SYNPR: variants seen among roughly 807,000 people sequenced by gnomAD.
The protein encoded by SYNPR is synaptoporin.
Under a neutral mutation model 32.9 loss-of-function variants are expected in SYNPR, and 23 were observed. That is an observed-to-expected ratio of 0.70 (90% confidence interval 0.50 to 0.99). The LOEUF is 0.99. Among genes scored for constraint, SYNPR ranks in the 50% least tolerant of loss-of-function variants. The probability of loss-of-function intolerance (pLI) is 0.00; values close to 1 mark genes in which losing one functional copy is unlikely to be tolerated. For missense variants in SYNPR, 318 were observed against 349.3 expected, an observed-to-expected ratio of 0.91 and a Z score of 0.71; for synonymous variants, 146 against 135.9, an observed-to-expected ratio of 1.07 and a Z score of -0.52.
intron 4 of SYNPR, among the ~76,000 whole-genome samples, chr3:63,562,645 G>T (rs62250771): frequency 6.6e-6 from 1 of 152,080 alleles, no homozygotes; most frequent in South Asian, 2.1e-4. Context: ...TGGGAGAGAC[G>T]TAGTGCAATG....
At chr3:63,381,443 A>G (rs974284461) in intron 2 of SYNPR, among the ~76,000 whole-genome samples, 1 of 152,252 alleles carries the variant, frequency 6.6e-6, no homozygotes, top group Non-Finnish European at 1.5e-5. Context: ...GCTCATGGGT[A>G]GGAAGAATCA....
At chr3:63,356,315 C>A (rs2087576831) in intron 2 of SYNPR, among the ~76,000 whole-genome samples, 1 of 152,238 alleles carries the variant, frequency 6.6e-6, no homozygotes. Flanking sequence ...TTAACCACCA[C>A]AGTCTACTTG....
intron 2 of SYNPR, among the ~76,000 whole-genome samples, chr3:63,366,040 C>T (rs1211006337): frequency 2.0e-5 from 3 of 152,306 alleles, no homozygotes; most frequent in East Asian, 3.9e-4. Context: ...CTGTGCAATT[C>T]ATAAATATTT....
chr3:63,446,421 G>A (rs752859178), intron 2 of SYNPR, among the ~76,000 whole-genome samples: 17 of 152,004 alleles, frequency 1.1e-4, no homozygotes, highest in Non-Finnish European at 1.6e-4. Context: ...GCTGAGAAGC[G>A]TGACAAAGAC....
intron 2 of SYNPR, among the ~76,000 whole-genome samples, chr3:63,305,652 G>A (rs546256594): frequency 1.3e-5 from 2 of 151,958 alleles, no homozygotes; most frequent in East Asian, 3.9e-4. Context: ...TACATTAGGG[G>A]TGGGGCCTAG....
upstream of SYNPR, among the ~76,000 whole-genome samples, chr3:63,224,276 T>A (rs1322024203): frequency 1.3e-5 from 2 of 152,216 alleles, no homozygotes; most frequent in East Asian, 3.9e-4. Flanking sequence ...ATGTGAGAGA[T>A]CTAGGTTGCA....
intron 2 of SYNPR, among the ~76,000 whole-genome samples, chr3:63,266,762 C>G (rs923766225): frequency 1.3e-5 from 2 of 151,364 alleles, no homozygotes; most frequent in African/African-American, 4.9e-5. Context: ...GTAGCATCCG[C>G]ATGTGTCTCA....
intron 2 of SYNPR, among the ~76,000 whole-genome samples, chr3:63,256,461 T>TTTG (rs2086384677): frequency 6.6e-6 from 1 of 152,126 alleles, no homozygotes; most frequent in African/African-American, 2.4e-5. Context: ...GCAAACAGGG[T>TTTG]CTGGAGTGGA....
chr3:63,390,772 G>A (rs1318539641), intron 2 of SYNPR, among the ~76,000 whole-genome samples: 2 of 152,134 alleles, frequency 1.3e-5, no homozygotes, highest in African/African-American at 4.8e-5. Flanking sequence ...GGCCTGGAAT[G>A]CTCATCTCTA....
intron 2 of SYNPR, among the ~76,000 whole-genome samples, chr3:63,468,783 A>G: frequency 6.6e-6 from 1 of 152,210 alleles, no homozygotes; most frequent in East Asian, 1.9e-4. Flanking sequence ...GCTGAGTGAC[A>G]GAGGGAGATT....
At chr3:63,551,179 C>G (rs1702493857) in intron 3 of SYNPR, among the ~76,000 whole-genome samples, 1 of 152,198 alleles carries the variant, frequency 6.6e-6, no homozygotes, top group Non-Finnish European at 1.5e-5. Context: ...AATATGTGGT[C>G]TTTTGTGACT....
At chr3:63,225,507 G>A (rs764231583), upstream of SYNPR, among the ~76,000 whole-genome samples, 19 of 152,262 alleles carry the variant, frequency 1.2e-4, no homozygotes, top group South Asian at 8.3e-4. Context: ...AAGGCCCTGA[G>A]ATAGAGACTG....
In SYNPR at chr3:63,380,395, T is replaced by C. The variant is rs146758201; in HGVS notation, c.85-100437T>C. Reference sequence around the variant, plus strand: ...GATCGCCACTCTAACTGGTGTGAGATGGTATCTCACTGTGGTTTTGATTTG... The same window carrying C: ...GATCGCCACTCTAACTGGTGTGAGACGGTATCTCACTGTGGTTTTGATTTG... On this transcript the variant is annotated intron_variant, in intron 2 of 5. Coordinates refer to ENST00000478300, the MANE Select transcript of SYNPR (RefSeq NM_001130003.2). 6.6e-3 allele frequency among the ~76,000 whole-genome samples: 1,007 copies of C among 152,324 alleles called. 3 individuals are homozygous for C. Among genetic ancestry groups the C allele is most frequent in the Non-Finnish European group, 0.011 (719 of 68,030 alleles).
intron 2 of SYNPR, among the ~76,000 whole-genome samples, chr3:63,318,482 T>C (rs557809362): frequency 6.6e-6 from 1 of 152,092 alleles, no homozygotes; most frequent in East Asian, 1.9e-4. Context: ...TTTATTGGAT[T>C]GGGTTAATTC....
At chr3:63,550,885 C>T (rs938865635) in intron 3 of SYNPR, among the ~76,000 whole-genome samples, 4 of 152,220 alleles carry the variant, frequency 2.6e-5, no homozygotes, top group Non-Finnish European at 5.9e-5. Context: ...CCCCCAGCTA[C>T]TTTTCCACCC....
intron 2 of SYNPR, among the ~76,000 whole-genome samples, chr3:63,450,902 A>T (rs1221643051): frequency 6.6e-6 from 1 of 152,176 alleles, no homozygotes; most frequent in East Asian, 1.9e-4. Context: ...TGCCAAGATA[A>T]AAGGCCTTTC....
chr3:63,339,209 C>G (rs1465169722), intron 2 of SYNPR, among the ~76,000 whole-genome samples: 2 of 152,264 alleles, frequency 1.3e-5, no homozygotes, highest in African/African-American at 4.8e-5. Flanking sequence ...TTATTAAACA[C>G]ATTTTTAGTG....
chr3:63,388,379 CTTTTTT>C (rs144044254), intron 2 of SYNPR, among the ~76,000 whole-genome samples: 1 of 83,596 alleles, frequency 1.2e-5, no homozygotes, highest in African/African-American at 5.0e-5. Context: ...GTTTGGAGCT[CTTTTTT>C]TTTTTTTTTT....
At chr3:63,330,993 T>G (rs777883959) in intron 2 of SYNPR, among the ~76,000 whole-genome samples, 1 of 152,228 alleles carries the variant, frequency 6.6e-6, no homozygotes, top group Non-Finnish European at 1.5e-5. Context: ...CCTCTAGACC[T>G]AGTTCACACT....
Sources: allele counts gnomAD v4.1 joint callset (sites outside exome capture counted in the v4.1 genomes callset), GRCh38; gene constraint gnomAD v4.1.1; transcripts MANE v1.5; gene names NCBI Gene and HGNC (gene_info 2026-07-23, HGNC 2026-07-21).